SS18: variants seen among roughly 807,000 people sequenced by gnomAD.
The protein encoded by SS18 is protein SSXT.
In SS18, 28 loss-of-function variants were observed where a neutral mutation model predicts 72.5. The observed-to-expected ratio is 0.39, with a 90% CI of 0.29 to 0.53. SS18 has a LOEUF of 0.53. Among genes scored for constraint, SS18 ranks in the 20% least tolerant of loss-of-function variants. The pLI is 0.76. For missense variants in SS18, 518 were observed against 535.3 expected (o/e 0.97, Z 0.32); for synonymous variants, 172 against 164.2 (o/e 1.05, Z -0.37).
intron 3 of SS18, among the ~76,000 whole-genome samples, chr18:26,067,482 GC>G (rs1217906343): frequency 2.0e-5 from 3 of 152,172 alleles, no homozygotes; most frequent in African/African-American, 7.2e-5. Context: ...GTTTTGAGAG[GC>G]CTGTGGAATG....
Position 26,057,658 on chromosome 18 carries a change from A to T in SS18, c.316T>A (p.Ser106Thr). The T allele has an allele frequency of 6.2e-7, 1 of 1,614,098 alleles. No homozygotes were observed. Among genetic ancestry groups the T allele is most frequent in the Non-Finnish European group, 8.5e-7 (1 of 1,180,016 alleles). The change falls in exon 4 of 11, where the codon TCA becomes ACA. Residue 106 changes from serine to threonine, a missense_variant. Physicochemically the swap from Ser to Thr is moderately conservative, Grantham distance 58. Coordinates refer to ENST00000415083, the MANE Select transcript of SS18 (RefSeq NM_001007559.3). ...PPPPRSHNMP[S>T]DGMVGGGPPA... ...GGACCCCCACCTACCATTCCATCTG[A>T]AGGCATGTTGTGAGAGCGTGGAGGT...
At chr18:26,027,585 T>C (rs893837361) in intron 10 of SS18, among the ~76,000 whole-genome samples, 2 of 140,548 alleles carry the variant, frequency 1.4e-5, no homozygotes, top group African/African-American at 5.2e-5. Context: ...GGCAGGAGAA[T>C]CGCTTGAACC....
chr18:26,075,311 C>A (rs1598604589), intron 3 of SS18, among the ~76,000 whole-genome samples: 5 of 151,876 alleles, frequency 3.3e-5, no homozygotes, highest in Admixed American at 3.3e-4. Flanking sequence ...AACAAAGATG[C>A]AAAAATCCTA....
At chr18:26,063,547 T>A (rs77346725) in intron 3 of SS18, among the ~76,000 whole-genome samples, 2,628 of 151,800 alleles carry the variant, frequency 0.017, 33 homozygotes, top group Middle Eastern at 0.048. Context: ...TAATAAGAAA[T>A]CAGTAACAAA....
chr18:26,059,280 C>G (rs921501163), intron 3 of SS18, among the ~76,000 whole-genome samples: 16 of 152,184 alleles, frequency 1.1e-4, no homozygotes, highest in Non-Finnish European at 2.2e-4. Flanking sequence ...ATAAGACCAG[C>G]TCCACAATTA....
intron 4 of SS18, among the ~76,000 whole-genome samples, chr18:26,053,921 T>C (rs1443985312): frequency 1.3e-5 from 2 of 152,186 alleles, no homozygotes; most frequent in Admixed American, 1.3e-4. Flanking sequence ...AGGAAATTTG[T>C]GATGACAAAC....
intron 5 of SS18, among the ~76,000 whole-genome samples, chr18:26,049,275 G>GCTGC (rs1331535391): frequency 7.3e-6 from 1 of 137,328 alleles, no homozygotes; most frequent in African/African-American, 3.5e-5. Flanking sequence ...GAATGTACTT[G>GCTGC]TTGATTAAAT....
intron 10 of SS18, among the ~76,000 whole-genome samples, chr18:26,025,210 A>C (rs1407498406): frequency 6.6e-6 from 1 of 152,182 alleles, no homozygotes; most frequent in Non-Finnish European, 1.5e-5. Context: ...ACTGATTAAA[A>C]ATAACAGCAT....
intron 10 of SS18, among the ~76,000 whole-genome samples, chr18:26,021,891 G>A (rs1440838662): frequency 6.6e-6 from 1 of 152,182 alleles, no homozygotes; most frequent in African/African-American, 2.4e-5. Flanking sequence ...AAGCAGAGCT[G>A]TCGAGTAGGC....
intron 2 of SS18, among the ~76,000 whole-genome samples, chr18:26,084,926 CTTGATT>C (rs1207821975): frequency 6.6e-6 from 1 of 152,100 alleles, no homozygotes; most frequent in Non-Finnish European, 1.5e-5. Context: ...GTATTGCATT[CTTGATT>C]TTAACAATTA....
chr18:26,028,101 TA>T (rs1252450399), intron 10 of SS18, among the ~76,000 whole-genome samples: 2 of 151,114 alleles, frequency 1.3e-5, no homozygotes, highest in South Asian at 2.1e-4. Flanking sequence ...TACTCAATAA[TA>T]AAAAAAATAA....
At chr18:26,039,902 T>C (rs2053695029) in intron 5 of SS18, among the ~76,000 whole-genome samples, 1 of 152,204 alleles carries the variant, frequency 6.6e-6, no homozygotes, top group Non-Finnish European at 1.5e-5. Flanking sequence ...ACCAAATCTC[T>C]AGATTTTTAC....
intron 10 of SS18, among the ~76,000 whole-genome samples, chr18:26,020,099 T>C (rs891548535): frequency 3.9e-5 from 6 of 152,200 alleles, no homozygotes; most frequent in African/African-American, 1.4e-4. Context: ...AGAAAGTTAT[T>C]GGTTAGCATA....
chr18:26,029,510 T>TA (rs1567990546), intron 10 of SS18, among the ~76,000 whole-genome samples: 1 of 152,174 alleles, frequency 6.6e-6, no homozygotes, highest in African/African-American at 2.4e-5. Flanking sequence ...ATATTAGATA[T>TA]ATTTTGAAGG....
intron 5 of SS18, among the ~76,000 whole-genome samples, chr18:26,052,171 C>T (rs2053934325): frequency 6.6e-6 from 1 of 152,182 alleles, no homozygotes; most frequent in African/African-American, 2.4e-5. Context: ...AGTACAGCAG[C>T]ACCTCCACTG....
In SS18 at chr18:26,047,424, T is replaced by C. The variant is rs144039053; in HGVS notation, c.607+5200A>G. Among the ~76,000 whole-genome samples the C allele has an allele frequency of 4.3e-3, 659 of 152,200 alleles. 4 individuals carry two copies. The highest frequency in any genetic ancestry group is 0.014 in the African/African-American group (593 of 41,532). ...AAGTATTTTACTAGTAATTAGTAAA[T>C]CTATTAATACCATAACTTAGCAAAT... On this transcript the variant is annotated intron_variant, in intron 5 of 10. Coordinates refer to ENST00000415083, the MANE Select transcript of SS18 (RefSeq NM_001007559.3).
intron 5 of SS18, among the ~76,000 whole-genome samples, chr18:26,044,067 G>A (rs934423531): frequency 2.0e-5 from 3 of 152,094 alleles, no homozygotes; most frequent in Admixed American, 2.0e-4. Context: ...ACAGCAAGAG[G>A]ATACCTATCT....
chr18:26,090,947 C>T (rs531118014), upstream of SS18: 54 of 294,112 alleles, frequency 1.8e-4, no homozygotes, highest in East Asian at 4.3e-3. Context: ...CAGCCCCTGT[C>T]ACAGGAAATG....
At chr18:26,059,307 G>A (rs2054078937) in intron 3 of SS18, among the ~76,000 whole-genome samples, 1 of 152,152 alleles carries the variant, frequency 6.6e-6, no homozygotes, top group African/African-American at 2.4e-5. Context: ...CTTTTTCCTT[G>A]AGTTTGCTGA....
Sources: allele counts gnomAD v4.1 joint callset (sites outside exome capture counted in the v4.1 genomes callset), GRCh38; gene constraint gnomAD v4.1.1; transcripts MANE v1.5; gene names NCBI Gene and HGNC (gene_info 2026-07-23, HGNC 2026-07-21).